The following AGAP1 variants were observed in gnomAD, a reference collection of about 807,000 sequenced individuals.
The protein encoded by AGAP1 is arf-GAP with GTPase, ANK repeat and PH domain-containing protein 1.
Under a neutral mutation model 105.3 loss-of-function variants are expected in AGAP1, and 29 were observed. That is an observed-to-expected ratio of 0.28 (90% CI 0.21 to 0.38). The LOEUF (loss-of-function observed/expected upper bound fraction) is 0.38. AGAP1 is among the 10% of genes least tolerant of loss of function. The pLI is 1.00. For synonymous variants in AGAP1, 509 were observed against 485.9 expected (o/e 1.05, Z -0.63); for missense variants, 998 against 1,165.1 (o/e 0.86, Z 2.09).
chr2:235,939,874 C>T (rs1353008157), intron 12 of AGAP1, among the ~76,000 whole-genome samples: 1 of 152,142 alleles, frequency 6.6e-6, no homozygotes, highest in East Asian at 1.9e-4. Flanking sequence ...TCTCTCCTGT[C>T]CTCCCTGCAC....
rs761626114 is a variant in AGAP1, at chr2:235,901,483, G to A, written c.1156-7255G>A. On this transcript the variant is annotated intron_variant, in intron 10 of 17. Coordinates refer to ENST00000304032, the MANE Select transcript of AGAP1 (RefSeq NM_001037131.3). The surrounding 1 kb of genome is among the most constrained non-coding windows in gnomAD (Gnocchi z 4.3). ...ACAGTCCAACCCTTTGCTCCTCCCC[G>A]GTTGTGTACATAAAAGCATACACAT... Among the ~76,000 whole-genome samples the A allele has an allele frequency of 2.0e-4, 31 of 152,142 alleles. No homozygotes were observed. The highest frequency in any genetic ancestry group is 3.7e-4 in the Non-Finnish European group (25 of 68,024).
At chr2:235,853,660 G>A (rs4632286) in intron 9 of AGAP1, among the ~76,000 whole-genome samples, 22,893 of 152,144 alleles carry the variant, frequency 0.15, 2,022 homozygotes, top group South Asian at 0.23. Flanking sequence ...GGATGTTAAT[G>A]AAAATTTAAT....
rs1454448013 is a variant in AGAP1, at chr2:236,046,050, C to T, written c.1892-3009C>T. On this transcript the variant is annotated intron_variant, in intron 15 of 17. Coordinates refer to ENST00000304032, the MANE Select transcript of AGAP1 (RefSeq NM_001037131.3). The surrounding 1 kb of genome is among the most constrained non-coding windows in gnomAD (Gnocchi z 5.2). ...GGGGGAGGTAGGAGGGGGTGCACCACGGTCTGAACGAGGGGCCAGCATGAG... is the reference window on the plus strand; with the variant it reads ...GGGGGAGGTAGGAGGGGGTGCACCATGGTCTGAACGAGGGGCCAGCATGAG... The T allele has an allele frequency of 4.2e-6, 2 of 470,762 alleles. No homozygotes were observed. The highest frequency in any genetic ancestry group is 1.6e-5 in the South Asian group (1 of 64,476). The allele number at this position is 470,762 out of a possible 1,614,324, so 29.2% of individuals were successfully genotyped here.
rs1953419385 is a variant in AGAP1, at chr2:235,751,348, C to T, written c.673+860C>T. On this transcript the variant is annotated intron_variant, in intron 6 of 17. Coordinates refer to ENST00000304032, the MANE Select transcript of AGAP1 (RefSeq NM_001037131.3). This position sits in a 1 kb window ranked among gnomAD's most constrained non-coding sequence, Gnocchi z 5.3. ...GGAAGTCACTTGTAGGGTCCTCTCC[C>T]CTTCTGGTTTAAATCCATGGGGGCA... Among the ~76,000 whole-genome samples, 1 of 152,100 alleles carries T rather than the reference C, an allele frequency of 6.6e-6. No homozygotes were observed. The highest frequency in any genetic ancestry group is 2.1e-4 in the South Asian group (1 of 4,822).
At chr2:235,770,133 C>CTCTTTTTTTTT (rs1955313510) in intron 6 of AGAP1, among the ~76,000 whole-genome samples, 1 of 136,656 alleles carries the variant, frequency 7.3e-6, no homozygotes, top group Non-Finnish European at 1.6e-5. Context: ...TTCTTTGTTT[C>CTCTTTTTTTTT]TTTTTTTTTT....
chr2:236,079,389 A>G (rs1201437915), intron 16 of AGAP1, among the ~76,000 whole-genome samples: 2 of 148,598 alleles, frequency 1.3e-5, no homozygotes, highest in Admixed American at 1.3e-4. Context: ...AAAAAAAAAA[A>G]CAGGCATGGT....
At chr2:236,008,889 G>C (rs1222840445) in intron 13 of AGAP1, among the ~76,000 whole-genome samples, 1 of 150,700 alleles carries the variant, frequency 6.6e-6, no homozygotes, top group African/African-American at 2.5e-5. Context: ...GTTTTACTTA[G>C]TTAGGTGTTT....
intron 1 of AGAP1, among the ~76,000 whole-genome samples, chr2:235,648,768 C>T (rs1575038428): frequency 6.6e-6 from 1 of 151,794 alleles, no homozygotes; most frequent in Non-Finnish European, 1.5e-5. Flanking sequence ...GCGCCTGTAG[C>T]CCCAGCTACT....
chr2:236,062,219 G>A lies in AGAP1; in HGVS notation c.2114+12938G>A, dbSNP rs189492643. On this transcript the variant is annotated intron_variant, in intron 16 of 17. Coordinates refer to ENST00000304032, the MANE Select transcript of AGAP1 (RefSeq NM_001037131.3). This position sits in a 1 kb window ranked among gnomAD's most constrained non-coding sequence, Gnocchi z 4.2. The stretch of plus-strand genomic sequence containing the variant: ...CTGGGAGAGATCAGGCACTTGACAA[G>A]CCCTGCCTCTTGGAATCCGCACAGC... 3.0e-3 allele frequency among the ~76,000 whole-genome samples: 462 copies of A among 152,270 alleles called. 1 individual carries two copies. Among genetic ancestry groups the A allele is most frequent in the African/African-American group, 0.01 (428 of 41,562 alleles).
rs1020591202 is a variant in AGAP1, at chr2:235,550,875, A to G, written c.163+56026A>G. On this transcript the variant is annotated intron_variant, in intron 1 of 17. Coordinates refer to ENST00000304032, the MANE Select transcript of AGAP1 (RefSeq NM_001037131.3). The surrounding 1 kb of genome is among the most constrained non-coding windows in gnomAD (Gnocchi z 4.6). ...CTACAACCTCCACCTCCTGGGTCCA[A>G]GCAATTCTCCTGCCTCAGCCTCCTG... 2.0e-5 allele frequency among the ~76,000 whole-genome samples: 3 copies of G among 152,082 alleles called. No homozygotes were observed. Among genetic ancestry groups the G allele is most frequent in the South Asian group, 2.1e-4 (1 of 4,820 alleles).
rs571458255 is a variant in AGAP1 at position 236,035,629 on chromosome 2, C to T, written c.1646-932C>T. On this transcript the variant is annotated intron_variant, in intron 13 of 17. Coordinates refer to ENST00000304032, the MANE Select transcript of AGAP1 (RefSeq NM_001037131.3). This position sits in a 1 kb window ranked among gnomAD's most constrained non-coding sequence, Gnocchi z 4.2. ...ACAAAGTGGGACTCCATCTCAAAAACAGTTCTTCGTGGTTGTATGCAATTA... is the reference window on the plus strand; with the variant it reads ...ACAAAGTGGGACTCCATCTCAAAAATAGTTCTTCGTGGTTGTATGCAATTA... Among the ~76,000 whole-genome samples the T allele has an allele frequency of 2.4e-4, 37 of 152,268 alleles. No homozygotes were observed. The highest frequency in any genetic ancestry group is 8.4e-4 in the African/African-American group (35 of 41,558).
chr2:235,680,376 T>C (rs1432142567), intron 1 of AGAP1, among the ~76,000 whole-genome samples: 1 of 152,092 alleles, frequency 6.6e-6, no homozygotes, highest in African/African-American at 2.4e-5. Context: ...TGAATGCTGG[T>C]GTCCAGAGGG....
At chr2:235,894,610 C>CAA (rs1253990686) in intron 10 of AGAP1, among the ~76,000 whole-genome samples, 2 of 125,618 alleles carry the variant, frequency 1.6e-5, no homozygotes, top group Non-Finnish European at 3.3e-5. Flanking sequence ...CATACACACA[C>CAA]ACTTAAACAT....
intron 1 of AGAP1, among the ~76,000 whole-genome samples, chr2:235,534,361 G>T (rs1324808988): frequency 6.6e-6 from 1 of 152,174 alleles, no homozygotes; most frequent in African/African-American, 2.4e-5. Context: ...GGGTCGGCCA[G>T]ACATGTCCAC....
intron 9 of AGAP1, among the ~76,000 whole-genome samples, chr2:235,871,401 T>A (rs989660125): frequency 5.9e-5 from 9 of 152,214 alleles, no homozygotes; most frequent in African/African-American, 2.2e-4. Flanking sequence ...CTTGCTATGC[T>A]ACCCATCCCC....
chr2:235,629,269 TGTGTGTGTGTGTG>T (rs1262928740), intron 1 of AGAP1, among the ~76,000 whole-genome samples: 2 of 2,226 alleles, frequency 9.0e-4, no homozygotes, highest in African/African-American at 8.9e-4. Flanking sequence ...TAGTAGTCAT[TGTGTGTGTGTGTG>T]TGTGTGTGTG....
At position 235,807,235 on chromosome 2, in the gene AGAP1, G is replaced by C; in HGVS notation, c.958-4G>C. 6.2e-7 allele frequency: 1 copy of C among 1,609,898 alleles called. No homozygotes were observed. On this transcript the variant is annotated splice_polypyrimidine_tract_variant and splice_region_variant and intron_variant, in intron 8 of 17. Coordinates refer to ENST00000304032, the MANE Select transcript of AGAP1 (RefSeq NM_001037131.3). ...CAGATGCCAACTTTCCTTTTGCTTT[G>C]CAGTCTCGGAAAGGGAGCGACCCAG...
Position 235,740,983 on chromosome 2 carries a change from A to G in AGAP1, c.331A>G (p.Ile111Val), listed in dbSNP as rs1952546929. The change falls in exon 4 of 18, where the codon ATT becomes GTT. Residue 111 changes from isoleucine to valine, a missense_variant. Transcript: ENST00000304032. This position sits in a 1 kb window ranked among gnomAD's most constrained non-coding sequence, Gnocchi z 5.7. The stretch of plus-strand genomic sequence containing the variant: ...GGCAGGTGGCAGGTTCAAGAAAGAG[A>G]TTGTCGTTGATGGACAGAGCTATCT... ...SPEGGRFKKE[I>V]VVDGQSYLLL... 1 of 1,614,174 alleles carries G rather than the reference A, an allele frequency of 6.2e-7. No homozygotes were observed. The highest frequency in any genetic ancestry group is 8.5e-7 in the Non-Finnish European group (1 of 1,180,026).
intron 1 of AGAP1, among the ~76,000 whole-genome samples, chr2:235,560,869 C>G (rs1178307489): frequency 6.6e-6 from 1 of 152,212 alleles, no homozygotes; most frequent in East Asian, 1.9e-4. Flanking sequence ...CCTTCTAAAC[C>G]TCAGGTGTTG....
Sources: gnomAD v4.1 joint callset for allele counts (sites outside exome capture counted in the v4.1 genomes callset) on GRCh38, gnomAD v4.1.1 for gene constraint, Gnocchi (gnomAD v3.1) non-coding constraint, MANE v1.5 for transcripts, NCBI Gene and HGNC (gene_info 2026-07-23, HGNC 2026-07-21) for gene names.